Variants in TANK observed in about 807,000 individuals in gnomAD.
TANK encodes the protein TRAF family member associated NFKB activator.
Under a neutral mutation model 43.6 loss-of-function variants are expected in TANK, and 15 were observed. The observed-to-expected ratio is 0.34, with a 90% CI of 0.23 to 0.53. The LOEUF is 0.53. Ranked by LOEUF, TANK falls within the 20% of genes least tolerant of loss-of-function variation. The pLI, the probability that TANK is intolerant of heterozygous loss-of-function variation, is 0.94. For missense variants in TANK, 417 were observed against 498.6 expected (o/e 0.84, Z 1.56); for synonymous variants, 162 against 178.2 (o/e 0.91, Z 0.73).
chr2:161,230,729 C>T (rs952964221), intron 6 of TANK, among the ~76,000 whole-genome samples: 4 of 152,150 alleles, frequency 2.6e-5, no homozygotes, highest in East Asian at 1.9e-4. Flanking sequence ...GCAAAGCTTA[C>T]GGCAGAAGAC....
intron 1 of TANK, among the ~76,000 whole-genome samples, chr2:161,140,194 C>T (rs1191579614): frequency 6.6e-6 from 1 of 152,016 alleles, no homozygotes; most frequent in Non-Finnish European, 1.5e-5. Context: ...GTTATCTGTT[C>T]CTTGAAATGT....
chr2:161,165,136 T>TA (rs1182063261), intron 1 of TANK, among the ~76,000 whole-genome samples: 1 of 151,654 alleles, frequency 6.6e-6, no homozygotes, highest in African/African-American at 2.4e-5. Context: ...AGTAAGGAAT[T>TA]ACTGGAAATT....
At chr2:161,216,596 A>G (rs1372328127) in intron 4 of TANK, among the ~76,000 whole-genome samples, 1 of 151,860 alleles carries the variant, frequency 6.6e-6, no homozygotes, top group African/African-American at 2.4e-5. Flanking sequence ...TGGCCAAAAA[A>G]AAAAAAAAAA....
chr2:161,181,429 A>G (rs1443668196), intron 2 of TANK, among the ~76,000 whole-genome samples: 3 of 152,090 alleles, frequency 2.0e-5, no homozygotes, highest in Non-Finnish European at 2.9e-5. Flanking sequence ...TCAAAAAACA[A>G]CAACAACAAC....
chr2:161,168,899 A>G (rs757513692), intron 1 of TANK, among the ~76,000 whole-genome samples: 10 of 152,220 alleles, frequency 6.6e-5, no homozygotes, highest in Admixed American at 2.0e-4. Context: ...TAGCATAGCA[A>G]AGCTTTCAGA....
chr2:161,230,125 G>A (rs1458521701), intron 6 of TANK, among the ~76,000 whole-genome samples: 1 of 152,100 alleles, frequency 6.6e-6, no homozygotes, highest in Admixed American at 6.6e-5. Flanking sequence ...ATGAGCTGTG[G>A]AAATACCACC....
intron 1 of TANK, among the ~76,000 whole-genome samples, chr2:161,154,755 T>G (rs549126982): frequency 1.4e-4 from 22 of 152,162 alleles, no homozygotes; most frequent in Non-Finnish European, 2.9e-4. Flanking sequence ...CACTTTTTTT[T>G]TTTTTTTGAG....
chr2:161,165,656 A>G (rs1387134604), intron 1 of TANK, among the ~76,000 whole-genome samples: 2 of 152,238 alleles, frequency 1.3e-5, no homozygotes, highest in African/African-American at 2.4e-5. Flanking sequence ...TACTGACTAC[A>G]GACTTTCTCT....
intron 4 of TANK, among the ~76,000 whole-genome samples, chr2:161,215,298 C>A (rs943606062): frequency 6.6e-6 from 1 of 152,154 alleles, no homozygotes; most frequent in South Asian, 2.1e-4. Context: ...ATGTCATGTT[C>A]TAAGAATATT....
intron 2 of TANK, among the ~76,000 whole-genome samples, chr2:161,192,649 G>A (rs987035764): frequency 6.6e-5 from 10 of 152,022 alleles, no homozygotes; most frequent in South Asian, 2.1e-4. Context: ...TGGAAGTAGC[G>A]CACTAATCTC....
chr2:161,172,021 A>G (rs1684962361), intron 1 of TANK, among the ~76,000 whole-genome samples: 1 of 152,170 alleles, frequency 6.6e-6, no homozygotes, highest in African/African-American at 2.4e-5. Context: ...GAAGATACTT[A>G]AGGAAAATCT....
chr2:161,177,234 T>C (rs1685209232), intron 1 of TANK, among the ~76,000 whole-genome samples: 1 of 152,170 alleles, frequency 6.6e-6, no homozygotes, highest in Admixed American at 6.6e-5. Context: ...GAATTGCCAT[T>C]TCTTCAGTTT....
At chr2:161,140,215 A>C (rs549458155) in intron 1 of TANK, among the ~76,000 whole-genome samples, 4 of 152,142 alleles carry the variant, frequency 2.6e-5, no homozygotes, top group Admixed American at 6.5e-5. Context: ...TTAAAGAAGA[A>C]TCCATAATAC....
At chr2:161,163,813 C>T (rs939556701) in intron 1 of TANK, among the ~76,000 whole-genome samples, 29 of 152,168 alleles carry the variant, frequency 1.9e-4, no homozygotes, top group African/African-American at 5.5e-4. Context: ...GGTATGTGCA[C>T]GCACATGGGG....
chr2:161,221,432 A>G (rs990077858), intron 4 of TANK, among the ~76,000 whole-genome samples: 12 of 152,188 alleles, frequency 7.9e-5, no homozygotes, highest in African/African-American at 2.7e-4. Flanking sequence ...ACTCTCTGAG[A>G]TGCTCAACAA....
chr2:161,212,428 C>A, intron 4 of TANK: 2 of 983,670 alleles, frequency 2.0e-6, no homozygotes, highest in Non-Finnish European at 1.2e-6. Context: ...TTGAAATTTT[C>A]TATTGCAGAA....
chr2:161,227,430 A>G (rs1687688751), intron 6 of TANK, among the ~76,000 whole-genome samples: 1 of 152,228 alleles, frequency 6.6e-6, no homozygotes, highest in Non-Finnish European at 1.5e-5. Flanking sequence ...ACAAATCTAC[A>G]GTTAGGTTGC....
chr2:161,201,449 T>A, intron 2 of TANK: 1 of 215,020 alleles, frequency 4.7e-6, no homozygotes, highest in Non-Finnish European at 8.0e-6. Context: ...CATAGAGACT[T>A]AAATAACATA....
At chr2:161,216,442 C>T (rs1402220631) in intron 4 of TANK, 4 of 468,560 alleles carry the variant, frequency 8.5e-6, no homozygotes, top group African/African-American at 4.0e-5. Context: ...TATCCTGAGC[C>T]GTAAGCATAA....
Sources: gnomAD v4.1 joint callset for allele counts (sites outside exome capture counted in the v4.1 genomes callset) on GRCh38, gnomAD v4.1.1 for gene constraint, MANE v1.5 for transcripts, NCBI Gene and HGNC (gene_info 2026-07-23, HGNC 2026-07-21) for gene names.